The following PDE4D variants were observed in gnomAD, a reference collection of about 807,000 sequenced individuals.
PDE4D encodes phosphodiesterase 4D, also known as 3',5'-cyclic-AMP phosphodiesterase 4D.
Under a neutral mutation model 87.4 loss-of-function variants are expected in PDE4D, and 24 were observed. The ratio of observed to expected loss-of-function variants is 0.27; its 90% CI spans 0.20 to 0.39. The LOEUF (loss-of-function observed/expected upper bound fraction) is 0.39. PDE4D is among the 10% of genes least tolerant of loss of function. The probability of loss-of-function intolerance (pLI) is 1.00; values close to 1 mark genes in which losing one functional copy is unlikely to be tolerated. For missense variants in PDE4D, 714 were observed against 1,041.0 expected (o/e 0.69, Z 4.32); for synonymous variants, 384 against 383.2 (o/e 1.00, Z -0.02).
chr5:59,821,111 T>C (rs921512141), intron 1 of PDE4D, among the ~76,000 whole-genome samples: 1 of 152,068 alleles, frequency 6.6e-6, no homozygotes, highest in South Asian at 2.1e-4. Flanking sequence ...CGGGCACCTG[T>C]AGTCCCAGCT....
chr5:60,303,312 T>TTC (rs1435194840), intron 1 of PDE4D, among the ~76,000 whole-genome samples: 5 of 150,064 alleles, frequency 3.3e-5, no homozygotes, highest in African/African-American at 9.9e-5. Context: ...GATTTCTTTT[T>TTC]TTTTTTTTTT....
chr5:60,046,793 A>G (rs1769317475), intron 2 of PDE4D, among the ~76,000 whole-genome samples: 2 of 152,138 alleles, frequency 1.3e-5, no homozygotes, highest in South Asian at 4.1e-4. Flanking sequence ...GGATTTTTGC[A>G]TCAATGTTCA....
At chr5:60,325,791 T>C (rs1372093055) in intron 1 of PDE4D, among the ~76,000 whole-genome samples, 1 of 152,118 alleles carries the variant, frequency 6.6e-6, no homozygotes, top group Non-Finnish European at 1.5e-5. Flanking sequence ...GCCCCTCTAA[T>C]AGCCACACCC....
intron 2 of PDE4D, among the ~76,000 whole-genome samples, chr5:59,991,147 C>A (rs1392771884): frequency 6.6e-6 from 1 of 152,118 alleles, no homozygotes; most frequent in African/African-American, 2.4e-5. Flanking sequence ...GAATGACAAT[C>A]TGTCATTAAA....
intron 1 of PDE4D, among the ~76,000 whole-genome samples, chr5:59,716,274 T>C (rs1269556428): frequency 6.6e-6 from 1 of 152,222 alleles, no homozygotes; most frequent in Non-Finnish European, 1.5e-5. Flanking sequence ...AAGGTACAAC[T>C]ACGCTGCTGA....
intron 1 of PDE4D, among the ~76,000 whole-genome samples, chr5:59,691,685 G>A (rs561550184): frequency 4.0e-5 from 6 of 149,638 alleles, no homozygotes; most frequent in East Asian, 2.0e-4. Flanking sequence ...GAACCTTCAC[G>A]TTGTGCTCAC....
chr5:59,560,117 C>A (rs191146941), intron 1 of PDE4D, among the ~76,000 whole-genome samples: 1 of 152,068 alleles, frequency 6.6e-6, no homozygotes, highest in Non-Finnish European at 1.5e-5. Context: ...GTGAATACTC[C>A]GAAGAAATGT....
At chr5:59,926,643 A>G (rs1310992419) in intron 3 of PDE4D, among the ~76,000 whole-genome samples, 1 of 152,172 alleles carries the variant, frequency 6.6e-6, no homozygotes, top group Non-Finnish European at 1.5e-5. Context: ...CTAACATAGC[A>G]TCTTAATAAG....
chr5:60,187,394 T>C (rs1245652828), intron 1 of PDE4D, among the ~76,000 whole-genome samples: 1 of 152,140 alleles, frequency 6.6e-6, no homozygotes, highest in Non-Finnish European at 1.5e-5. Context: ...ATATTCCATA[T>C]CTAGGGAGAA....
intron 1 of PDE4D, among the ~76,000 whole-genome samples, chr5:60,225,640 AC>A (rs1187847765): frequency 6.6e-6 from 1 of 152,004 alleles, no homozygotes; most frequent in Non-Finnish European, 1.5e-5. Flanking sequence ...TGAGAACCCA[AC>A]TCCTCACTTT....
chr5:59,653,552 G>A (rs1203189672), intron 1 of PDE4D, among the ~76,000 whole-genome samples: 2 of 152,136 alleles, frequency 1.3e-5, no homozygotes, highest in African/African-American at 2.4e-5. Context: ...TAAACAATAA[G>A]CAGGACATAG....
chr5:60,100,320 T>C (rs1776093410), intron 2 of PDE4D, among the ~76,000 whole-genome samples: 1 of 151,900 alleles, frequency 6.6e-6, no homozygotes, highest in Admixed American at 6.6e-5. Context: ...GAAGGAGGAA[T>C]AGATGGGATT....
At chr5:59,395,438 G>A (rs1021837286) in intron 1 of PDE4D, among the ~76,000 whole-genome samples, 21 of 152,250 alleles carry the variant, frequency 1.4e-4, no homozygotes, top group South Asian at 6.2e-4. Context: ...CCTGACCCCC[G>A]AGCAGCCTAA....
intron 3 of PDE4D, among the ~76,000 whole-genome samples, chr5:59,955,611 T>C (rs1758743460): frequency 6.6e-6 from 1 of 152,216 alleles, no homozygotes; most frequent in African/African-American, 2.4e-5. Flanking sequence ...AGGAGCATTT[T>C]CTTTTTTAAT....
At chr5:59,500,147 C>T (rs1037863978) in intron 1 of PDE4D, among the ~76,000 whole-genome samples, 2 of 152,126 alleles carry the variant, frequency 1.3e-5, no homozygotes, top group Non-Finnish European at 1.5e-5. Flanking sequence ...AACGCTTGCA[C>T]ACTGTTGGCA....
At chr5:59,665,326 A>G (rs960690824) in intron 1 of PDE4D, among the ~76,000 whole-genome samples, 3 of 152,232 alleles carry the variant, frequency 2.0e-5, no homozygotes, top group Non-Finnish European at 4.4e-5. Flanking sequence ...TCTGAGGACT[A>G]TTATTGATCC....
At chr5:59,501,149 T>C (rs922393934) in intron 1 of PDE4D, among the ~76,000 whole-genome samples, 3 of 152,206 alleles carry the variant, frequency 2.0e-5, no homozygotes, top group South Asian at 2.1e-4. Context: ...GTTAGAGATA[T>C]ATTCCTCAGT....
intron 1 of PDE4D, among the ~76,000 whole-genome samples, chr5:59,764,151 G>C (rs1269135958): frequency 1.3e-5 from 2 of 151,954 alleles, no homozygotes; most frequent in Non-Finnish European, 2.9e-5. Flanking sequence ...TTCAACTCTT[G>C]TCTCTTCACT....
chr5:60,097,263 A>AG (rs1775769440), intron 2 of PDE4D, among the ~76,000 whole-genome samples: 1 of 115,984 alleles, frequency 8.6e-6, no homozygotes, highest in African/African-American at 3.1e-5. Flanking sequence ...GATGCTATGA[A>AG]GTTGTGTGTG....
Sources: allele counts gnomAD v4.1 joint callset (sites outside exome capture counted in the v4.1 genomes callset), GRCh38; gene constraint gnomAD v4.1.1; transcripts MANE v1.5; gene names NCBI Gene and HGNC (gene_info 2026-07-23, HGNC 2026-07-21).